RBFOX1: variants seen among roughly 807,000 people sequenced by gnomAD.
RBFOX1 encodes RNA binding fox-1 homolog 1.
In RBFOX1, 8 loss-of-function variants were observed where a neutral mutation model predicts 57.7. The observed-to-expected ratio is 0.14, with a 90% CI of 0.08 to 0.25. The LOEUF (loss-of-function observed/expected upper bound fraction) is 0.25. Ranked by LOEUF, RBFOX1 falls within the 10% of genes least tolerant of loss-of-function variation. The pLI, the probability that RBFOX1 is intolerant of heterozygous loss-of-function variation, is 1.00. For missense variants in RBFOX1, 611 were observed against 548.5 expected (o/e 1.11, Z -1.14); for synonymous variants, 326 against 222.4 (o/e 1.47, Z -4.15).
At chr16:5,427,368 T>A (rs2067593766) in intron 1 of RBFOX1, among the ~76,000 whole-genome samples, 1 of 152,200 alleles carries the variant, frequency 6.6e-6, no homozygotes, top group Admixed American at 6.5e-5. Flanking sequence ...GTGGATCACC[T>A]GAGGTCAGGA....
intron 10 of RBFOX1, among the ~76,000 whole-genome samples, chr16:7,612,319 T>TCAA (rs1354141010): frequency 7.0e-5 from 2 of 28,506 alleles, no homozygotes; most frequent in Non-Finnish European, 1.1e-4. Flanking sequence ...AGACTCCATC[T>TCAA]CAAAAAAAAA....
At chr16:7,181,536 CTCTCTCTCTT>C (rs140091653) in intron 4 of RBFOX1, among the ~76,000 whole-genome samples, 3,115 of 149,082 alleles carry the variant, frequency 0.021, 103 homozygotes, top group African/African-American at 0.076. Context: ...CTCCCTTGCT[CTCTCTCTCTT>C]TCTCTCATCT....
At chr16:7,201,948 C>T (rs570342790) in intron 4 of RBFOX1, among the ~76,000 whole-genome samples, 79 of 152,244 alleles carry the variant, frequency 5.2e-4, no homozygotes, top group Admixed American at 2.8e-3. Flanking sequence ...ACTGGCAGAA[C>T]TTGCAGAAGT....
At chr16:6,223,187 A>G (rs1156354172) in intron 1 of RBFOX1, among the ~76,000 whole-genome samples, 3 of 150,744 alleles carry the variant, frequency 2.0e-5, no homozygotes, top group Non-Finnish European at 4.4e-5. Context: ...TTATAGCAGC[A>G]TGATTTATAG....
intron 1 of RBFOX1, among the ~76,000 whole-genome samples, chr16:5,391,123 C>T (rs1037335698): frequency 3.3e-5 from 5 of 152,156 alleles, no homozygotes; most frequent in Admixed American, 6.5e-5. Flanking sequence ...CAGACATACA[C>T]GTTAGGTTGT....
chr16:5,620,321 A>G (rs774377506), intron 3 of RBFOX1, among the ~76,000 whole-genome samples: 5 of 152,114 alleles, frequency 3.3e-5, no homozygotes, highest in Admixed American at 6.5e-5. Flanking sequence ...CCGCATCTCT[A>G]CACATGGTGT....
At chr16:6,824,550 TTAA>T (rs145930775) in intron 3 of RBFOX1, among the ~76,000 whole-genome samples, 4,086 of 152,292 alleles carry the variant, frequency 0.027, 171 homozygotes, top group African/African-American at 0.092. Context: ...CCTATTTTTC[TTAA>T]TAATAATCAT....
chr16:7,607,082 A>C (rs2095311364), intron 9 of RBFOX1, among the ~76,000 whole-genome samples: 1 of 152,182 alleles, frequency 6.6e-6, no homozygotes, highest in African/African-American at 2.4e-5. Flanking sequence ...ATTAACTTGC[A>C]CTGGCAGAAA....
At chr16:7,448,627 TG>T (rs1455584753) in intron 4 of RBFOX1, among the ~76,000 whole-genome samples, 2 of 152,170 alleles carry the variant, frequency 1.3e-5, no homozygotes, top group Admixed American at 6.5e-5. Context: ...GAGATTTGGC[TG>T]GGGGCACAGC....
chr16:7,489,094 C>T (rs1258690700), intron 4 of RBFOX1, among the ~76,000 whole-genome samples: 1 of 152,176 alleles, frequency 6.6e-6, no homozygotes, highest in Non-Finnish European at 1.5e-5. Flanking sequence ...CTGTGTCTGG[C>T]TTTGTCTTCA....
intron 3 of RBFOX1, among the ~76,000 whole-genome samples, chr16:5,843,450 A>C (rs1450247464): frequency 2.0e-5 from 3 of 152,290 alleles, no homozygotes; most frequent in Non-Finnish European, 4.4e-5. Context: ...TGCATGTTCC[A>C]ACAAAGGACA....
chr16:5,988,568 C>A (rs959722760), intron 4 of RBFOX1, among the ~76,000 whole-genome samples: 2 of 152,136 alleles, frequency 1.3e-5, no homozygotes, highest in Non-Finnish European at 2.9e-5. Flanking sequence ...TCCTGCCACC[C>A]TGCTTGGCGG....
chr16:6,522,070 C>A (rs111496923), intron 2 of RBFOX1, among the ~76,000 whole-genome samples: 1 of 151,886 alleles, frequency 6.6e-6, no homozygotes, highest in African/African-American at 2.4e-5. Flanking sequence ...AACGTCCTTG[C>A]ATCTAGAAAA....
At chr16:5,467,210 A>G (rs1427448650) in intron 1 of RBFOX1, 3 of 1,439,392 alleles carry the variant, frequency 2.1e-6, no homozygotes, top group South Asian at 1.3e-5. Context: ...TTTTTTTTTA[A>G]TGCAGGATCT....
chr16:6,874,314 C>A (rs536760439), intron 3 of RBFOX1, among the ~76,000 whole-genome samples: 2 of 151,826 alleles, frequency 1.3e-5, no homozygotes, highest in Non-Finnish European at 2.9e-5. Flanking sequence ...GTTTTGAGAC[C>A]AGCCTGGCCA....
At chr16:6,795,227 C>T (rs1383178952) in intron 3 of RBFOX1, among the ~76,000 whole-genome samples, 6 of 152,082 alleles carry the variant, frequency 3.9e-5, no homozygotes, top group Non-Finnish European at 8.8e-5. Flanking sequence ...CCACTTGTGT[C>T]CACAAACCAC....
At chr16:6,174,165 C>T (rs545046921) in intron 1 of RBFOX1, among the ~76,000 whole-genome samples, 1 of 152,296 alleles carries the variant, frequency 6.6e-6, no homozygotes, top group African/African-American at 2.4e-5. Context: ...ATGTTGGGTA[C>T]ACTTTGCCTT....
At chr16:6,754,021 T>G (rs1292044602) in intron 3 of RBFOX1, among the ~76,000 whole-genome samples, 2 of 152,130 alleles carry the variant, frequency 1.3e-5, no homozygotes, top group Non-Finnish European at 2.9e-5. Context: ...ACCCAACTCT[T>G]GCTGAGTAGT....
chr16:7,090,743 C>T (rs1476470845), intron 4 of RBFOX1, among the ~76,000 whole-genome samples: 2 of 152,182 alleles, frequency 1.3e-5, no homozygotes, highest in African/African-American at 4.8e-5. Flanking sequence ...ATTCACCAAA[C>T]TTGGCCACGG....
Sources: gnomAD v4.1 joint callset for allele counts (sites outside exome capture counted in the v4.1 genomes callset) on GRCh38, gnomAD v4.1.1 for gene constraint, MANE v1.5 for transcripts, NCBI Gene and HGNC (gene_info 2026-07-23, HGNC 2026-07-21) for gene names.